Variants in SAMD12 observed in about 807,000 individuals in gnomAD.
SAMD12 encodes sterile alpha motif domain containing 12.
A neutral mutation model predicts 15.0 loss-of-function variants in SAMD12; 9 were observed. The ratio of observed to expected loss-of-function variants is 0.60; its 90% CI spans 0.36 to 1.05. The LOEUF is 1.05. Ranked by LOEUF, SAMD12 falls within the 50% of genes least tolerant of loss-of-function variation. SAMD12 has a pLI of 0.01. For synonymous variants in SAMD12, 86 were observed against 90.1 expected, an observed-to-expected ratio of 0.96 and a Z score of 0.25; for missense variants, 230 against 234.2, an observed-to-expected ratio of 0.98 and a Z score of 0.12.
chr8:118,218,029 C>G (rs1230001758), intron 4 of SAMD12, among the ~76,000 whole-genome samples: 1 of 152,182 alleles, frequency 6.6e-6, no homozygotes, highest in Admixed American at 6.5e-5. Flanking sequence ...ACCTGACTAG[C>G]ATGCAGCTCA....
chr8:118,598,384 G>A (rs1038221523), intron 1 of SAMD12, among the ~76,000 whole-genome samples: 6 of 152,200 alleles, frequency 3.9e-5, no homozygotes, highest in Admixed American at 6.5e-5. Flanking sequence ...ACCAGAGTGT[G>A]CAAGCACAGA....
chr8:118,493,917 C>A (rs533802508), intron 2 of SAMD12, among the ~76,000 whole-genome samples: 1 of 152,194 alleles, frequency 6.6e-6, no homozygotes, highest in Non-Finnish European at 1.5e-5. Context: ...ATAAAACCAA[C>A]CCTAGCCTTC....
intron 2 of SAMD12, among the ~76,000 whole-genome samples, chr8:118,508,468 T>A (rs967129229): frequency 5.3e-5 from 8 of 152,296 alleles, no homozygotes; most frequent in Middle Eastern, 3.4e-3. Flanking sequence ...TCTTTTTTGG[T>A]CATCTAGGAA....
chr8:118,141,687 A>G, the SAMD12 span, among the ~76,000 whole-genome samples: 1 of 152,226 alleles, frequency 6.6e-6, no homozygotes, highest in Non-Finnish European at 1.5e-5. Flanking sequence ...GTTAGTTCTG[A>G]CTCAGTGAGT....
At chr8:118,244,428 A>G (rs935930093) in intron 4 of SAMD12, among the ~76,000 whole-genome samples, 4 of 152,110 alleles carry the variant, frequency 2.6e-5, no homozygotes, top group Admixed American at 2.0e-4. Flanking sequence ...TCCATTTGCA[A>G]GGAACACTTA....
chr8:118,438,695 T>C (rs1386990753), intron 3 of SAMD12, among the ~76,000 whole-genome samples: 1 of 152,164 alleles, frequency 6.6e-6, no homozygotes, highest in Non-Finnish European at 1.5e-5. Context: ...AACAAGTCCC[T>C]TTTTAAAGTA....
At chr8:118,526,384 T>C (rs1279302240) in intron 2 of SAMD12, among the ~76,000 whole-genome samples, 1 of 152,012 alleles carries the variant, frequency 6.6e-6, no homozygotes, top group African/African-American at 2.4e-5. Flanking sequence ...TTGCTACCGA[T>C]CAGAATCACC....
At chr8:118,371,050 T>C (rs1012597365) in intron 4 of SAMD12, among the ~76,000 whole-genome samples, 6 of 152,222 alleles carry the variant, frequency 3.9e-5, no homozygotes. Context: ...CAAGGCTATG[T>C]CTTTTCATGA....
chr8:118,287,120 A>ATT (rs202195351), intron 4 of SAMD12, among the ~76,000 whole-genome samples: 1,875 of 132,716 alleles, frequency 0.014, 66 homozygotes, highest in South Asian at 0.063. Flanking sequence ...GTAAGGAAGA[A>ATT]TATTTTTTTT....
chr8:118,406,059 T>G (rs1446144527), intron 3 of SAMD12, among the ~76,000 whole-genome samples: 2 of 152,176 alleles, frequency 1.3e-5, no homozygotes, highest in South Asian at 2.1e-4. Flanking sequence ...TTTAACCAGG[T>G]TATATAAGCT....
chr8:118,494,931 T>A (rs185189006), intron 2 of SAMD12, among the ~76,000 whole-genome samples: 1 of 152,336 alleles, frequency 6.6e-6, no homozygotes, highest in Non-Finnish European at 1.5e-5. Context: ...CAGTTCTGAA[T>A]CTGTCACCTG....
intron 4 of SAMD12, among the ~76,000 whole-genome samples, chr8:118,201,542 G>A (rs1819716354): frequency 6.6e-6 from 1 of 152,170 alleles, no homozygotes; most frequent in South Asian, 2.1e-4. Flanking sequence ...TCTTATTGTT[G>A]TGTATTCTCC....
chr8:118,252,590 C>A (rs1207207616), intron 4 of SAMD12, among the ~76,000 whole-genome samples: 2 of 152,034 alleles, frequency 1.3e-5, no homozygotes, highest in Non-Finnish European at 2.9e-5. Context: ...CTTTTTTCTC[C>A]TCTTGCTTTT....
chr8:118,528,790 A>T (rs1332861751), intron 2 of SAMD12, among the ~76,000 whole-genome samples: 7 of 152,210 alleles, frequency 4.6e-5, no homozygotes, highest in Non-Finnish European at 1.0e-4. Context: ...GAAATAACAG[A>T]GATTACCACC....
chr8:118,317,949 G>A (rs1397310906), intron 4 of SAMD12, among the ~76,000 whole-genome samples: 1 of 151,990 alleles, frequency 6.6e-6, no homozygotes, highest in Non-Finnish European at 1.5e-5. Context: ...TTTTAAAAAA[G>A]TTCGACATCA....
intron 2 of SAMD12, among the ~76,000 whole-genome samples, chr8:118,449,798 C>CAA (rs35279962): frequency 0.026 from 1,856 of 72,316 alleles, 106 homozygotes; most frequent in African/African-American, 0.093. Context: ...GAGACTGTCT[C>CAA]AAAAAAAAAA....
rs555924451 is a variant in SAMD12 at position 118,486,276 on chromosome 8, T to C, written c.193-46315A>G. On this transcript the variant is annotated intron_variant, in intron 2 of 3. Coordinates refer to ENST00000314727, the MANE Select transcript of SAMD12 (RefSeq NM_207506.3). ...AAAAAATACAAAAAAATTAGTCGGGTGTAGTGGTGGGCGCCTGTAGTCCCA... is the reference window on the plus strand; with the variant it reads ...AAAAAATACAAAAAAATTAGTCGGGCGTAGTGGTGGGCGCCTGTAGTCCCA... Among the ~76,000 whole-genome samples the C allele has an allele frequency of 2.2e-3, 335 of 151,704 alleles. 5 individuals carry two copies. The highest frequency in any genetic ancestry group is 0.018 in the Admixed American group (274 of 15,222).
At chr8:118,586,509 A>G (rs1226875124) in intron 1 of SAMD12, among the ~76,000 whole-genome samples, 1 of 151,740 alleles carries the variant, frequency 6.6e-6, no homozygotes, top group Non-Finnish European at 1.5e-5. Context: ...CACCCAGCTA[A>G]TTTTTGTATT....
the SAMD12 span, among the ~76,000 whole-genome samples, chr8:118,137,430 GTTAC>G: frequency 6.6e-6 from 1 of 152,150 alleles, no homozygotes; most frequent in African/African-American, 2.4e-5. Context: ...TGGTTCTTTT[GTTAC>G]TTAGGCATGG....
Sources: allele counts gnomAD v4.1 joint callset (sites outside exome capture counted in the v4.1 genomes callset), GRCh38; gene constraint gnomAD v4.1.1; transcripts MANE v1.5; gene names NCBI Gene and HGNC (gene_info 2026-07-23, HGNC 2026-07-21).